Variants in NR2F1-AS1 observed in about 807,000 individuals in gnomAD.
NR2F1-AS1 encodes NR2F1 antisense RNA 1.
chr5:93,568,210 A>T (rs1752660767), intron 1 of NR2F1-AS1, among the ~76,000 whole-genome samples: 2 of 152,214 alleles, frequency 1.3e-5, no homozygotes, highest in African/African-American at 4.8e-5. Context: ...TAAAATGATA[A>T]ATAATAATTT....
intron 4 of NR2F1-AS1, among the ~76,000 whole-genome samples, chr5:93,490,165 A>T (rs1750806383): frequency 6.9e-6 from 1 of 145,862 alleles, no homozygotes; most frequent in East Asian, 1.9e-4. Context: ...CTAGCTTGTT[A>T]GTTACAGAAA....
intron 2 of NR2F1-AS1, among the ~76,000 whole-genome samples, chr5:93,557,710 C>T (rs975586584): frequency 6.6e-6 from 1 of 152,072 alleles, no homozygotes; most frequent in Non-Finnish European, 1.5e-5. Flanking sequence ...GTAGCTGTGG[C>T]AATTTCTTAA....
intron 4 of NR2F1-AS1, among the ~76,000 whole-genome samples, chr5:93,483,027 C>T (rs1750635175): frequency 6.6e-6 from 1 of 152,206 alleles, no homozygotes; most frequent in Admixed American, 6.5e-5. Flanking sequence ...GCAGCTTCAG[C>T]AGACTTAAAC....
At chr5:93,420,573 TA>T (rs1207767855) in intron 4 of NR2F1-AS1, among the ~76,000 whole-genome samples, 1 of 152,102 alleles carries the variant, frequency 6.6e-6, no homozygotes, top group Non-Finnish European at 1.5e-5. Context: ...GCAGGGAATT[TA>T]AAAAAGGATT....
intron 4 of NR2F1-AS1, among the ~76,000 whole-genome samples, chr5:93,442,814 T>C (rs543018931): frequency 4.1e-4 from 63 of 152,268 alleles, no homozygotes; most frequent in African/African-American, 1.5e-3. Flanking sequence ...TGACACCTCA[T>C]ACAGCCAGAT....
chr5:93,449,195 A>G (rs1382013195), intron 4 of NR2F1-AS1, among the ~76,000 whole-genome samples: 1 of 152,212 alleles, frequency 6.6e-6, no homozygotes, highest in African/African-American at 2.4e-5. Context: ...AAGTTTATAT[A>G]TGACAAAGGC....
intron 4 of NR2F1-AS1, among the ~76,000 whole-genome samples, chr5:93,455,078 T>C (rs1749917462): frequency 6.6e-6 from 1 of 152,138 alleles, no homozygotes; most frequent in African/African-American, 2.4e-5. Flanking sequence ...TAGTCAAAAG[T>C]GCAAGTCACA....
intron 4 of NR2F1-AS1, among the ~76,000 whole-genome samples, chr5:93,448,221 A>G (rs1749758245): frequency 6.6e-6 from 1 of 152,106 alleles, no homozygotes; most frequent in Non-Finnish European, 1.5e-5. Flanking sequence ...GCTGACTCCC[A>G]CTTATAACAC....
chr5:93,413,063 G>GGTGTGTGT (rs71613591), intron 4 of NR2F1-AS1, among the ~76,000 whole-genome samples: 163 of 139,276 alleles, frequency 1.2e-3, no homozygotes, highest in East Asian at 4.7e-3. Flanking sequence ...ATAGCACTAT[G>GGTGTGTGT]GTGTGTGTGT....
At chr5:93,499,160 T>TGTG (rs1354154764) in intron 4 of NR2F1-AS1, among the ~76,000 whole-genome samples, 1 of 152,198 alleles carries the variant, frequency 6.6e-6, no homozygotes, top group African/African-American at 2.4e-5. Context: ...ATTTTAATTA[T>TGTG]AAGATACATC....
At chr5:93,483,214 G>A (rs1380517459) in intron 4 of NR2F1-AS1, among the ~76,000 whole-genome samples, 1 of 152,138 alleles carries the variant, frequency 6.6e-6, no homozygotes, top group Non-Finnish European at 1.5e-5. Context: ...GCTGGGATAT[G>A]GTGGAAGCCC....
At chr5:93,531,731 C>T (rs1357656808) in intron 4 of NR2F1-AS1, among the ~76,000 whole-genome samples, 1 of 152,106 alleles carries the variant, frequency 6.6e-6, no homozygotes, top group Non-Finnish European at 1.5e-5. Context: ...GAAAAGACAT[C>T]AAAACTGACC....
chr5:93,516,339 T>C (rs1353146883), intron 4 of NR2F1-AS1, among the ~76,000 whole-genome samples: 1 of 151,824 alleles, frequency 6.6e-6, no homozygotes, highest in South Asian at 2.1e-4. Context: ...GACAAAACAG[T>C]TGACCTTTCT....
At chr5:93,459,247 TTGAAATATTCAAATATC>T (rs1305917009) in intron 4 of NR2F1-AS1, among the ~76,000 whole-genome samples, 101 of 152,190 alleles carry the variant, frequency 6.6e-4, no homozygotes, top group African/African-American at 2.3e-3. Context: ...TATTCAATAT[TTGAAATATTCAAATATC>T]TGAAATATTC....
intron 4 of NR2F1-AS1, among the ~76,000 whole-genome samples, chr5:93,467,536 C>T (rs1196969345): frequency 6.6e-6 from 1 of 152,172 alleles, no homozygotes; most frequent in Admixed American, 6.6e-5. Flanking sequence ...CTTTAAGTCC[C>T]AACTACTGCC....
At chr5:93,456,095 A>G (rs1362189364) in intron 4 of NR2F1-AS1, among the ~76,000 whole-genome samples, 8 of 152,186 alleles carry the variant, frequency 5.3e-5, no homozygotes, top group Admixed American at 5.2e-4. Flanking sequence ...GAAAAAAATA[A>G]TAACAGGCAC....
intron 4 of NR2F1-AS1, among the ~76,000 whole-genome samples, chr5:93,414,265 C>T (rs1304959822): frequency 6.6e-6 from 1 of 152,160 alleles, no homozygotes; most frequent in Non-Finnish European, 1.5e-5. Context: ...TAGCATGTAA[C>T]TCAGAATGAC....
intron 2 of NR2F1-AS1, among the ~76,000 whole-genome samples, chr5:93,558,574 G>A (rs189689325): frequency 3.9e-5 from 6 of 152,028 alleles, no homozygotes; most frequent in East Asian, 3.9e-4. Context: ...CACCTGCCTC[G>A]GTCTCCCAAA....
intron 4 of NR2F1-AS1, among the ~76,000 whole-genome samples, chr5:93,469,740 C>T (rs1007680397): frequency 2.0e-5 from 3 of 151,856 alleles, no homozygotes; most frequent in Admixed American, 1.3e-4. Context: ...TAGATTTTTC[C>T]CTATTCCCTA....
Sources: allele counts gnomAD v4.1 joint callset (sites outside exome capture counted in the v4.1 genomes callset), GRCh38; gene constraint gnomAD v4.1.1; transcripts MANE v1.5; gene names NCBI Gene and HGNC (gene_info 2026-07-23, HGNC 2026-07-21).